MOB4: variants seen among roughly 807,000 people sequenced by gnomAD.
MOB4 encodes the protein MOB family member 4, phocein.
Under a neutral mutation model 32.2 loss-of-function variants are expected in MOB4, and 4 were observed. The ratio of observed to expected loss-of-function variants is 0.12; its 90% CI spans 0.06 to 0.28. The LOEUF is 0.28. MOB4 is among the 10% of genes least tolerant of loss of function. The pLI is 1.00. For synonymous variants in MOB4, 88 were observed against 88.1 expected (o/e 1.00, Z 0.01); for missense variants, 158 against 271.2 (o/e 0.58, Z 2.93).
chr2:197,529,866 A>G (rs2086669959), intron 2 of MOB4, among the ~76,000 whole-genome samples: 1 of 150,384 alleles, frequency 6.6e-6, no homozygotes, highest in African/African-American at 2.5e-5. Flanking sequence ...GTTGGCCGGA[A>G]TGGTCTCGAT....
At chr2:197,532,486 GGGTCTTGAATTAGCCTAGGC>G (rs1262780358) in intron 2 of MOB4, among the ~76,000 whole-genome samples, 114 of 152,078 alleles carry the variant, frequency 7.5e-4, no homozygotes, top group Admixed American at 1.5e-3. Flanking sequence ...CTAGCTTAAG[GGGTCTTGAATTAGCCTAGGC>G]GGTCTTGAAT....
chr2:197,542,877 A>C (rs2086921089), intron 5 of MOB4, among the ~76,000 whole-genome samples: 2 of 152,280 alleles, frequency 1.3e-5, no homozygotes, highest in East Asian at 1.9e-4. Flanking sequence ...ATGTCATCCA[A>C]ATTAAAAATT....
intron 5 of MOB4, among the ~76,000 whole-genome samples, chr2:197,544,202 G>C (rs1476833664): frequency 1.3e-5 from 2 of 152,150 alleles, no homozygotes; most frequent in Non-Finnish European, 2.9e-5. Flanking sequence ...CTTCTGAGTA[G>C]CTGGGACAAC....
rs932742826 is a variant in MOB4 at position 197,516,166 on chromosome 2, C to T, written c.60+20C>T. 5 of 1,591,892 alleles carry T rather than the reference C, an allele frequency of 3.1e-6. No homozygotes were observed. The highest frequency in any genetic ancestry group is 1.7e-4 in the Middle Eastern group (1 of 5,984). ...GCGCAGGTACCATGTCTGCACTTTT[C>T]TTGTCGGGCAACTAGGTGCCGAGCA... is the stretch of plus-strand genomic sequence containing the variant. On this transcript the variant is annotated intron_variant, in intron 1 of 7. Transcript: ENST00000323303.
intron 2 of MOB4, among the ~76,000 whole-genome samples, chr2:197,532,527 A>G (rs10200195): frequency 0.012 from 1,752 of 152,082 alleles, 31 homozygotes; most frequent in African/African-American, 0.04. Flanking sequence ...TAGCCTAGGC[A>G]GTCTTGAATT....
intron 2 of MOB4, among the ~76,000 whole-genome samples, chr2:197,529,096 GC>G (rs1182290852): frequency 2.0e-5 from 3 of 151,438 alleles, no homozygotes; most frequent in Non-Finnish European, 4.4e-5. Context: ...TCCTGCCTCA[GC>G]CTCTCGAGTA....
At chr2:197,525,207 C>T (rs920852641) in intron 2 of MOB4, among the ~76,000 whole-genome samples, 7 of 150,460 alleles carry the variant, frequency 4.7e-5, no homozygotes, top group Non-Finnish European at 3.0e-5. Flanking sequence ...ATTAGCCGGG[C>T]GTGGTGGTGG....
intron 5 of MOB4, among the ~76,000 whole-genome samples, chr2:197,545,878 A>G (rs982421812): frequency 2.0e-5 from 3 of 152,156 alleles, no homozygotes; most frequent in African/African-American, 7.2e-5. Flanking sequence ...TTGTGAATAT[A>G]CTAGAAACTA....
rs1574660391 is a variant in MOB4 at position 197,553,450 on chromosome 2, A to C, written c.*2804A>C. On this transcript the variant is annotated 3_prime_UTR_variant, in exon 8 of 8. Coordinates refer to ENST00000323303, the MANE Select transcript of MOB4 (RefSeq NM_015387.5). ...TCAAAAAAAAAAAATCCTTGATTACATTGTTAGTAAGGACTGTGTTACGAT... is the reference window on the plus strand; with the variant it reads ...TCAAAAAAAAAAAATCCTTGATTACCTTGTTAGTAAGGACTGTGTTACGAT... 1 of 152,062 alleles carries C rather than the reference A, an allele frequency of 6.6e-6. No homozygotes were observed. Among genetic ancestry groups the C allele is most frequent in the African/African-American group, 2.4e-5 (1 of 41,406 alleles). The allele number at this position is 152,062 out of a possible 1,614,324, so 9.4% of individuals were successfully genotyped here.
chr2:197,537,372 G>T (rs770350710), intron 3 of MOB4, among the ~76,000 whole-genome samples: 11 of 152,122 alleles, frequency 7.2e-5, no homozygotes, highest in Non-Finnish European at 1.6e-4. Flanking sequence ...GTTCATTGGG[G>T]CTTATTATTT....
intron 5 of MOB4, among the ~76,000 whole-genome samples, chr2:197,541,415 C>G (rs2086893010): frequency 6.6e-6 from 1 of 152,112 alleles, no homozygotes; most frequent in African/African-American, 2.4e-5. Context: ...AATCATAGAC[C>G]TTGAAGTGGT....
intron 2 of MOB4, chr2:197,533,757 C>G (rs982409620): frequency 1.0e-4 from 44 of 423,664 alleles, no homozygotes; most frequent in Non-Finnish European, 1.8e-4. Flanking sequence ...GTATTTGATC[C>G]CTTTCCCTGT....
At chr2:197,515,737 C>T, upstream of MOB4, 2 of 320,640 alleles carry the variant, frequency 6.2e-6, no homozygotes, top group South Asian at 4.1e-5. Context: ...TCCCGTGTAA[C>T]TAACGAGAGC....
chr2:197,538,765 AC>A (rs2086846576), intron 3 of MOB4, among the ~76,000 whole-genome samples: 2 of 152,356 alleles, frequency 1.3e-5, no homozygotes, highest in South Asian at 4.1e-4. Flanking sequence ...TGGGTAAGAA[AC>A]TTACCACAAC....
chr2:197,519,391 C>T (rs999362351), intron 1 of MOB4, among the ~76,000 whole-genome samples: 2 of 152,188 alleles, frequency 1.3e-5, no homozygotes, highest in Non-Finnish European at 2.9e-5. Context: ...TAACTCCGTA[C>T]CCCCACCCCA....
chr2:197,535,748 AG>A, intron 3 of MOB4, 118 bp downstream of exon 3: 1 of 1,170,988 alleles, frequency 8.5e-7, no homozygotes, highest in Non-Finnish European at 1.2e-6. Context: ...CAAATTTTAA[AG>A]CTTTGGCATT....
chr2:197,535,467 A>T, intron 2 of MOB4, 63 bp from the exon 3 acceptor site: 1 of 1,467,504 alleles, frequency 6.8e-7, no homozygotes, highest in South Asian at 1.3e-5. Context: ...AATTATATGT[A>T]CTTAACATAA....
chr2:197,536,009 C>G (rs891144109), intron 3 of MOB4, among the ~76,000 whole-genome samples: 4 of 151,578 alleles, frequency 2.6e-5, no homozygotes, highest in African/African-American at 9.7e-5. Flanking sequence ...AGTGATCCTC[C>G]CACTTCAGCT....
chr2:197,551,655 A>G lies in MOB4; in HGVS notation c.*1009A>G, dbSNP rs2087100194. 6.5e-6 allele frequency: 1 copy of G among 152,770 alleles called. No individual in the cohort carries two copies. The highest frequency in any genetic ancestry group is 1.5e-5 in the Non-Finnish European group (1 of 68,024). The allele number at this position is 152,770 out of a possible 1,614,324, so 9.5% of individuals were successfully genotyped here. On this transcript the variant is annotated 3_prime_UTR_variant, in exon 8 of 8. Transcript: ENST00000323303. The stretch of plus-strand genomic sequence containing the variant: ...CATTAAATAGAATTGAAGAAATACC[A>G]TAGTATTTATTTTACACCCCCTCTC...
Sources: gnomAD v4.1 joint callset for allele counts (sites outside exome capture counted in the v4.1 genomes callset) on GRCh38, gnomAD v4.1.1 for gene constraint, MANE v1.5 for transcripts, NCBI Gene and HGNC (gene_info 2026-07-23, HGNC 2026-07-21) for gene names.